Variants in WDR49 observed in about 807,000 individuals in gnomAD.
WDR49 encodes the protein cilia- and flagella-associated protein 337.
A neutral mutation model predicts 119.5 loss-of-function variants in WDR49; 107 were observed. The ratio of observed to expected loss-of-function variants is 0.90; its 90% CI spans 0.77 to 1.05. WDR49 has a LOEUF of 1.05. Among genes scored for constraint, WDR49 ranks in the 50% least tolerant of loss-of-function variants. WDR49 has a pLI of 0.00. For missense variants in WDR49, 1,240 were observed against 1,220.5 expected, an observed-to-expected ratio of 1.02 and a Z score of -0.24; for synonymous variants, 425 against 418.8, an observed-to-expected ratio of 1.01 and a Z score of -0.18.
At chr3:167,607,592 G>A (rs1279288398) in intron 5 of WDR49, among the ~76,000 whole-genome samples, 1 of 152,126 alleles carries the variant, frequency 6.6e-6, no homozygotes, top group East Asian at 1.9e-4. Context: ...CTAATTGGAG[G>A]TGGAGATGAG....
intron 16 of WDR49, among the ~76,000 whole-genome samples, chr3:167,510,410 T>A (rs1751926421): frequency 6.6e-6 from 1 of 152,214 alleles, no homozygotes; most frequent in South Asian, 2.1e-4. Flanking sequence ...ATATGTCCAC[T>A]GTAGTTTTTT....
chr3:167,611,322 C>T (rs1249697757), intron 5 of WDR49, among the ~76,000 whole-genome samples: 2 of 151,830 alleles, frequency 1.3e-5, no homozygotes, highest in African/African-American at 4.8e-5. Context: ...TAACCTCAAA[C>T]CAAAAAACAT....
chr3:167,613,164 A>C (rs1716425769), intron 5 of WDR49, among the ~76,000 whole-genome samples: 2 of 152,218 alleles, frequency 1.3e-5, no homozygotes, highest in Admixed American at 1.3e-4. Flanking sequence ...GTACCACATA[A>C]ATATATACAC....
At chr3:167,536,712 C>CAAAT (rs142755774) in intron 11 of WDR49, among the ~76,000 whole-genome samples, 158 bp downstream of exon 11, 1 of 136,896 alleles carries the variant, frequency 7.3e-6, no homozygotes. Context: ...TATACACACA[C>CAAAT]ATATATATAT....
At chr3:167,563,519 G>C (rs1366622979) in intron 8 of WDR49, among the ~76,000 whole-genome samples, 1 of 152,040 alleles carries the variant, frequency 6.6e-6, no homozygotes, top group Non-Finnish European at 1.5e-5. Context: ...TGAAAATTTT[G>C]ATAGTAGTCT....
intron 18 of WDR49, among the ~76,000 whole-genome samples, chr3:167,484,689 C>CAAAAAAAA (rs11354730): frequency 8.4e-6 from 1 of 119,408 alleles, no homozygotes; most frequent in Non-Finnish European, 1.8e-5. Flanking sequence ...AGGATGATGG[C>CAAAAAAAA]AAAAAAAAAA....
intron 10 of WDR49, among the ~76,000 whole-genome samples, chr3:167,538,889 A>G (rs1711629411): frequency 1.3e-5 from 2 of 152,200 alleles, no homozygotes; most frequent in Non-Finnish European, 2.9e-5. Flanking sequence ...CCCATTAGAA[A>G]GCCTTTGCTA....
At chr3:167,540,009 G>T (rs1711686606) in intron 10 of WDR49, among the ~76,000 whole-genome samples, 1 of 152,122 alleles carries the variant, frequency 6.6e-6, no homozygotes, top group South Asian at 2.1e-4. Flanking sequence ...GGAGCAACAG[G>T]TTGCTGCAAA....
intron 5 of WDR49, among the ~76,000 whole-genome samples, chr3:167,620,170 G>A (rs1716799367): frequency 6.6e-6 from 1 of 151,730 alleles, no homozygotes; most frequent in African/African-American, 2.4e-5. Flanking sequence ...CTATGACAAT[G>A]TTTTCCTTTC....
At position 167,478,761 on chromosome 3, in the gene WDR49, TG is replaced by T. The variant is rs1750572433; in HGVS notation, c.*116del. ...ATAAAAGCAGTACTAAATTATCCCATGAAGAGAAAACTTCCTGAAGTTTAAA... is the reference window on the plus strand; with the variant it reads ...ATAAAAGCAGTACTAAATTATCCCATAAGAGAAAACTTCCTGAAGTTTAAA... On this transcript the variant is annotated 3_prime_UTR_variant, in exon 19 of 19. Coordinates refer to ENST00000682715, the MANE Select transcript of WDR49 (RefSeq NM_001366157.1). The T allele has an allele frequency of 1.6e-6, 1 of 638,742 alleles. No homozygotes were observed. The highest frequency in any genetic ancestry group is 3.4e-5 in the Admixed American group (1 of 29,812). 39.6% of individuals were successfully genotyped at this position (638,742 alleles called of 1,614,324 possible).
chr3:167,516,622 G>T (rs973660804), intron 16 of WDR49, among the ~76,000 whole-genome samples: 1 of 152,024 alleles, frequency 6.6e-6, no homozygotes, highest in African/African-American at 2.4e-5. Flanking sequence ...CCCAGTAATG[G>T]GATGGCTGGG....
At chr3:167,507,093 T>G (rs367593231) in intron 16 of WDR49, among the ~76,000 whole-genome samples, 3 of 152,300 alleles carry the variant, frequency 2.0e-5, no homozygotes, top group East Asian at 3.9e-4. Context: ...TACTGTACAG[T>G]TACTTTTTCC....
chr3:167,636,824 G>A (rs868709544), intron 2 of WDR49, among the ~76,000 whole-genome samples: 29 of 151,220 alleles, frequency 1.9e-4, no homozygotes, highest in African/African-American at 5.6e-4. Context: ...TCCTTAGCCC[G>A]CTTTTTGATG....
At chr3:167,513,833 TTAAAC>T (rs1752084765) in intron 16 of WDR49, among the ~76,000 whole-genome samples, 1 of 152,000 alleles carries the variant, frequency 6.6e-6, no homozygotes, top group Non-Finnish European at 1.5e-5. Context: ...AAAACAGACT[TTAAAC>T]TAACAAAGAT....
intron 7 of WDR49, among the ~76,000 whole-genome samples, chr3:167,580,685 C>A (rs1024136800): frequency 1.3e-5 from 2 of 152,030 alleles, no homozygotes; most frequent in Non-Finnish European, 2.9e-5. Context: ...TCATAAAAGC[C>A]CTCACATTAA....
rs551707360 is a variant in WDR49 at position 167,619,498 on chromosome 3, T to C, written c.958+931A>G. Among the ~76,000 whole-genome samples, 9 of 152,236 alleles carry C rather than the reference T, an allele frequency of 5.9e-5. No individual in the cohort carries two copies. In the East Asian group the frequency reaches 1.7e-3, roughly 29 times the overall value. On this transcript the variant is annotated intron_variant, in intron 5 of 18. Transcript: ENST00000682715. ...AAAGAAAAAAATGAAGAGCACATAG[T>C]TCCTCACATAGGAAATTCTTACTGT...
Position 167,522,298 on chromosome 3 carries a change from T to C in WDR49, c.2774+17A>G. ...TAGACTTCAGTTGACATCTGGCTAA[T>C]GTTCAAAATTACTTACTTGTATGTT... On this transcript the variant is annotated intron_variant, in intron 16 of 18. Transcript: ENST00000682715. 6.4e-7 allele frequency: 1 copy of C among 1,561,672 alleles called. No homozygotes were observed. The highest frequency in any genetic ancestry group is 8.6e-7 in the Non-Finnish European group (1 of 1,163,786).
At chr3:167,637,003 T>C (rs1314703100) in intron 2 of WDR49, among the ~76,000 whole-genome samples, 1 of 151,776 alleles carries the variant, frequency 6.6e-6, no homozygotes, top group Non-Finnish European at 1.5e-5. Context: ...TTTAATTAAG[T>C]CCAGCTATTT....
chr3:167,578,446 G>C (rs1372179415), intron 7 of WDR49, among the ~76,000 whole-genome samples: 1 of 152,046 alleles, frequency 6.6e-6, no homozygotes, highest in Non-Finnish European at 1.5e-5. Flanking sequence ...GCACACATGT[G>C]TGTGTATATA....
Sources: gnomAD v4.1 joint callset for allele counts (sites outside exome capture counted in the v4.1 genomes callset) on GRCh38, gnomAD v4.1.1 for gene constraint, MANE v1.5 for transcripts, NCBI Gene and HGNC (gene_info 2026-07-23, HGNC 2026-07-21) for gene names.